Variants in CUX1 observed in about 807,000 individuals in gnomAD.
CUX1 encodes the protein protein CASP.
In CUX1, 31 loss-of-function variants were observed where a neutral mutation model predicts 158.8. That is an observed-to-expected ratio of 0.20 (90% confidence interval 0.15 to 0.26). The LOEUF is 0.26. CUX1 is among the 10% of genes least tolerant of loss of function. The probability of loss-of-function intolerance (pLI) is 1.00; values close to 1 mark genes in which losing one functional copy is unlikely to be tolerated. For missense variants in CUX1, 1,589 were observed against 2,014.6 expected, an observed-to-expected ratio of 0.79 and a Z score of 4.04; for synonymous variants, 879 against 862.1, an observed-to-expected ratio of 1.02 and a Z score of -0.34.
chr7:101,895,825 G>GAGTA (rs1801402047), intron 1 of CUX1, among the ~76,000 whole-genome samples: 1 of 151,776 alleles, frequency 6.6e-6, no homozygotes, highest in African/African-American at 2.4e-5. Context: ...GTGAGAGTGG[G>GAGTA]AGTAAACTGG....
intron 2 of CUX1, among the ~76,000 whole-genome samples, chr7:101,923,142 G>A (rs1310588567): frequency 6.6e-6 from 1 of 152,146 alleles, no homozygotes; most frequent in Non-Finnish European, 1.5e-5. Flanking sequence ...GGAGTTAGTG[G>A]ATGGAGAGTG....
intron 2 of CUX1, among the ~76,000 whole-genome samples, chr7:101,926,023 G>A (rs1427791573): frequency 2.6e-5 from 4 of 152,114 alleles, no homozygotes; most frequent in Non-Finnish European, 2.9e-5. Flanking sequence ...AGAAACCCCC[G>A]AAGAGATTTC....
chr7:101,825,689 C>T (rs1793173570), intron 1 of CUX1, among the ~76,000 whole-genome samples: 1 of 150,238 alleles, frequency 6.7e-6, no homozygotes, highest in Admixed American at 6.7e-5. Context: ...GATTGTTTTA[C>T]GTGGCTCTGT....
intron 2 of CUX1, among the ~76,000 whole-genome samples, chr7:102,026,221 C>G (rs1323619933): frequency 3.9e-5 from 6 of 152,088 alleles, no homozygotes; most frequent in Non-Finnish European, 7.4e-5. Context: ...CTGTAGGTCC[C>G]TCTGCAATGA....
At chr7:102,193,559 C>A (rs1554517529) in intron 12 of CUX1, among the ~76,000 whole-genome samples, 1 of 152,184 alleles carries the variant, frequency 6.6e-6, no homozygotes, top group African/African-American at 2.4e-5. Context: ...AATACCAACA[C>A]TTTGGGAGGC....
chr7:102,010,623 G>C (rs761586638), intron 2 of CUX1, among the ~76,000 whole-genome samples: 1 of 152,136 alleles, frequency 6.6e-6, no homozygotes, highest in Non-Finnish European at 1.5e-5. Flanking sequence ...GTGTGTGTGC[G>C]TATTTAAGTA....
rs1205905972 is a variant in CUX1, at chr7:102,256,314, G to GA, written c.*7282dup. The GA allele has an allele frequency of 6.6e-4, 622 of 945,822 alleles. No homozygotes were observed. Among genetic ancestry groups the GA allele is most frequent in the Middle Eastern group, 1.1e-3 (2 of 1,856 alleles). The allele number at this position is 945,822 out of a possible 1,614,324, so 58.6% of individuals were successfully genotyped here. On this transcript the variant is annotated 3_prime_UTR_variant, in exon 24 of 24. Coordinates refer to ENST00000292535, the MANE Select transcript of CUX1 (RefSeq NM_181552.4). ...TGATTATAAAAGGATGTTTCCTTGAGAAAAAAAAAATTATTTCTATCCTCT... is the reference window on the plus strand; with the variant it reads ...TGATTATAAAAGGATGTTTCCTTGAGAAAAAAAAAAATTATTTCTATCCTCT...
chr7:102,118,453 G>A (rs782225199), intron 8 of CUX1, among the ~76,000 whole-genome samples: 2 of 152,194 alleles, frequency 1.3e-5, no homozygotes, highest in African/African-American at 2.4e-5. Flanking sequence ...TGGGAGGATC[G>A]CTTGAGCCCA....
At chr7:102,018,555 C>G (rs9649239) in intron 2 of CUX1, among the ~76,000 whole-genome samples, 21,611 of 152,190 alleles carry the variant, frequency 0.14, 2,427 homozygotes, top group East Asian at 0.61. Flanking sequence ...TCCCCAGATG[C>G]CAACGAGGCT....
In CUX1 at chr7:102,278,170, C is replaced by T. The variant is rs938356754; in HGVS notation, c.1680+105C>T. The stretch of plus-strand genomic sequence containing the variant: ...TCGGGGACCAAGACCTGCTGGGCAG[C>T]ACTGGGCCCCAGAGACCCCTGAGGC... On this transcript the variant is annotated intron_variant, in intron 18 of 22. Coordinates refer to the CUX1 transcript ENST00000292538. 25 of 729,626 alleles carry T rather than the reference C, an allele frequency of 3.4e-5. No individual in the cohort carries two copies. The East Asian group carries it at 6.8e-4, about 20-fold the overall frequency. The allele number at this position is 729,626 out of a possible 1,614,324, so 45.2% of individuals were successfully genotyped here.
intron 1 of CUX1, among the ~76,000 whole-genome samples, chr7:101,880,674 T>C (rs1799618203): frequency 6.6e-6 from 1 of 152,186 alleles, no homozygotes; most frequent in Admixed American, 6.5e-5. Context: ...TAGAATGAAA[T>C]ATAGACTATA....
intron 1 of CUX1, among the ~76,000 whole-genome samples, chr7:101,836,892 C>T (rs1447946863): frequency 6.6e-6 from 1 of 152,080 alleles, no homozygotes; most frequent in East Asian, 1.9e-4. Flanking sequence ...TCGCAGAGGA[C>T]ATGGGGCAGA....
At chr7:101,910,173 G>T (rs1019343877) in intron 1 of CUX1, among the ~76,000 whole-genome samples, 1 of 152,012 alleles carries the variant, frequency 6.6e-6, no homozygotes, top group Non-Finnish European at 1.5e-5. Context: ...TTGAGACAGG[G>T]TCTCCCTCTG....
intron 2 of CUX1, among the ~76,000 whole-genome samples, chr7:101,958,479 CTT>C (rs11433173): frequency 4.5e-5 from 5 of 112,098 alleles, no homozygotes; most frequent in Admixed American, 1.1e-4. Flanking sequence ...ATTTTCTTTT[CTT>C]TTTTTTTTTT....
At chr7:101,834,085 C>T (rs954693199) in intron 1 of CUX1, among the ~76,000 whole-genome samples, 6 of 147,908 alleles carry the variant, frequency 4.1e-5, no homozygotes, top group African/African-American at 1.5e-4. Context: ...ATCCACAGGG[C>T]GGTGCCCAGG....
intron 1 of CUX1, among the ~76,000 whole-genome samples, chr7:101,900,054 C>T (rs1254939843): frequency 2.0e-5 from 3 of 152,186 alleles, no homozygotes; most frequent in Admixed American, 6.5e-5. Context: ...TTGTAGAAAG[C>T]GCCCTGGACA....
chr7:102,173,336 G>A (rs776661938), intron 10 of CUX1, among the ~76,000 whole-genome samples: 6 of 152,152 alleles, frequency 3.9e-5, no homozygotes, highest in Non-Finnish European at 8.8e-5. Context: ...CAGCCTGGGC[G>A]ACAGCAAGAC....
intron 2 of CUX1, among the ~76,000 whole-genome samples, chr7:101,928,235 G>T (rs891697567): frequency 3.9e-5 from 6 of 152,000 alleles, no homozygotes; most frequent in Non-Finnish European, 8.8e-5. Context: ...AGTCATTATG[G>T]GCTGGATGAA....
rs948754626 is a variant in CUX1, at chr7:101,869,705, C to T, written c.31-46410C>T. ...CATGGAAGACGGCAGGACACACGTG[C>T]GAGCCACAGCAGGTGGGCGGGAGCT... On this transcript the variant is annotated intron_variant, in intron 1 of 23. Coordinates refer to ENST00000292535, the MANE Select transcript of CUX1 (RefSeq NM_181552.4). The surrounding 1 kb of genome is among the most constrained non-coding windows in gnomAD (Gnocchi z 4.5). Among the ~76,000 whole-genome samples the T allele has an allele frequency of 2.0e-5, 3 of 152,090 alleles. No individual in the cohort carries two copies. The highest frequency in any genetic ancestry group is 2.9e-5 in the Non-Finnish European group (2 of 68,008).
Sources: gnomAD v4.1 joint callset for allele counts (sites outside exome capture counted in the v4.1 genomes callset) on GRCh38, gnomAD v4.1.1 for gene constraint, Gnocchi (gnomAD v3.1) non-coding constraint, MANE v1.5 for transcripts, NCBI Gene and HGNC (gene_info 2026-07-23, HGNC 2026-07-21) for gene names.